Variants in GOLPH3 observed in about 807,000 individuals in gnomAD.
The protein encoded by GOLPH3 is coat protein GPP34.
Under a neutral mutation model 28.5 loss-of-function variants are expected in GOLPH3, and 14 were observed. The ratio of observed to expected loss-of-function variants is 0.49; its 90% CI spans 0.32 to 0.77. The LOEUF (loss-of-function observed/expected upper bound fraction) is 0.77. Ranked by LOEUF, GOLPH3 falls within the 30% of genes least tolerant of loss-of-function variation. GOLPH3 has a pLI of 0.03. For synonymous variants in GOLPH3, 158 were observed against 159.2 expected, an observed-to-expected ratio of 0.99 and a Z score of 0.06; for missense variants, 350 against 393.7, an observed-to-expected ratio of 0.89 and a Z score of 0.94.
intron 1 of GOLPH3, among the ~76,000 whole-genome samples, chr5:32,172,623 A>T (rs2111904727): frequency 6.6e-6 from 1 of 152,244 alleles, no homozygotes; most frequent in East Asian, 1.9e-4. Flanking sequence ...TGAACCCGGG[A>T]GGCGGAGTTT....
chr5:32,126,724 T>C, intron 3 of GOLPH3, 88 bp from the exon 4 acceptor site: 1 of 1,021,902 alleles, frequency 9.8e-7, no homozygotes, highest in Non-Finnish European at 1.4e-6. Flanking sequence ...TAAAATCTGA[T>C]TTTGCCCCAA....
At chr5:32,140,520 G>A (rs1360694366) in intron 2 of GOLPH3, among the ~76,000 whole-genome samples, 1 of 151,840 alleles carries the variant, frequency 6.6e-6, no homozygotes, top group Admixed American at 6.6e-5. Context: ...TTAGCCGGGT[G>A]TGGTGGTGCA....
chr5:32,163,606 T>A (rs887293366), intron 1 of GOLPH3, among the ~76,000 whole-genome samples: 2 of 152,106 alleles, frequency 1.3e-5, no homozygotes, highest in Non-Finnish European at 2.9e-5. Context: ...TGAGCCAAGA[T>A]CATGCCACTG....
chr5:32,149,779 C>G (rs1746265363), intron 1 of GOLPH3, among the ~76,000 whole-genome samples: 1 of 152,086 alleles, frequency 6.6e-6, no homozygotes, highest in African/African-American at 2.4e-5. Context: ...GGCAGATCAC[C>G]TGAGGTCACG....
rs150361954 is a variant in GOLPH3 at position 32,146,377 on chromosome 5, A to G, written c.226-2497T>C. On this transcript the variant is annotated intron_variant, in intron 1 of 3. Coordinates refer to ENST00000265070, the MANE Select transcript of GOLPH3 (RefSeq NM_022130.4). ...ATGACTGTAGTCATAATTAGTTCCT[A>G]TGTTCTAAAATATAAGGATGGGAGA... Among the ~76,000 whole-genome samples, 543 of 152,226 alleles carry G rather than the reference A, an allele frequency of 3.6e-3. 1 individual carries two copies. The highest frequency in any genetic ancestry group is 0.013 in the African/African-American group (523 of 41,528).
chr5:32,140,844 A>G (rs1488924300), intron 2 of GOLPH3, among the ~76,000 whole-genome samples: 1 of 151,408 alleles, frequency 6.6e-6, no homozygotes, highest in African/African-American at 2.4e-5. Context: ...GAAGGGCACC[A>G]GACTTTACCG....
chr5:32,164,395 A>G lies in GOLPH3; in HGVS notation c.225+9415T>C, dbSNP rs139658457. On this transcript the variant is annotated intron_variant, in intron 1 of 3. Transcript: ENST00000265070. Reference sequence around the variant, plus strand: ...CCTTTTTATACATAAGAGGAGTAAGATTCTTTTTTTTTTTTTGAGACGGAG... The same window carrying G: ...CCTTTTTATACATAAGAGGAGTAAGGTTCTTTTTTTTTTTTTGAGACGGAG... Among the ~76,000 whole-genome samples the G allele has an allele frequency of 3.0e-3, 445 of 150,456 alleles. 2 individuals carry two copies. Among genetic ancestry groups the G allele is most frequent in the African/African-American group, 0.011 (436 of 40,942 alleles).
intron 2 of GOLPH3, among the ~76,000 whole-genome samples, chr5:32,141,728 AGTGCCTGCGATTGCAGGC>A (rs1489851054): frequency 6.6e-6 from 1 of 152,096 alleles, no homozygotes; most frequent in East Asian, 1.9e-4. Flanking sequence ...CAGCTAGCCG[AGTGCCTGCGATTGCAGGC>A]GCGCGCCGCC....
At chr5:32,158,026 AC>A (rs1746477754) in intron 1 of GOLPH3, among the ~76,000 whole-genome samples, 2 of 61,338 alleles carry the variant, frequency 3.3e-5, no homozygotes, top group South Asian at 1.1e-3. Context: ...AATAAAATAC[AC>A]ACACACACAC....
chr5:32,155,016 A>AAGGTTGCAGTGGACAG (rs1746387350), intron 1 of GOLPH3, among the ~76,000 whole-genome samples: 1 of 151,418 alleles, frequency 6.6e-6, no homozygotes, highest in Admixed American at 6.6e-5. Context: ...CCAAGAGACA[A>AAGGTTGCAGTGGACAG]AGGTTGCAGT....
At chr5:32,139,455 C>T (rs905252853) in intron 2 of GOLPH3, among the ~76,000 whole-genome samples, 3 of 152,242 alleles carry the variant, frequency 2.0e-5, no homozygotes, top group African/African-American at 4.8e-5. Flanking sequence ...CTGTTTTTCA[C>T]TTGGATTAAT....
At chr5:32,165,577 T>C (rs1259273174) in intron 1 of GOLPH3, among the ~76,000 whole-genome samples, 1 of 152,002 alleles carries the variant, frequency 6.6e-6, no homozygotes, top group African/African-American at 2.4e-5. Context: ...AGCAAGACTC[T>C]GTCTCAGAAG....
chr5:32,138,060 C>T (rs1380025468), intron 2 of GOLPH3, among the ~76,000 whole-genome samples: 1 of 152,016 alleles, frequency 6.6e-6, no homozygotes, highest in Admixed American at 6.6e-5. Context: ...CACACCACCG[C>T]ATCCGGGTAA....
intron 1 of GOLPH3, among the ~76,000 whole-genome samples, chr5:32,153,812 G>GAA (rs1042450477): frequency 6.6e-6 from 1 of 152,026 alleles, no homozygotes; most frequent in African/African-American, 2.4e-5. Flanking sequence ...CTCTGTATAC[G>GAA]AAAGAGTCCT....
chr5:32,161,107 A>G (rs1038824677), intron 1 of GOLPH3, among the ~76,000 whole-genome samples: 3 of 149,896 alleles, frequency 2.0e-5, no homozygotes, highest in African/African-American at 5.0e-5. Flanking sequence ...GGTGGCATCA[A>G]AAAGATAAGG....
rs71629068 is a variant in GOLPH3 at position 32,141,694 on chromosome 5, C to T, written c.357+2055G>A. Among the ~76,000 whole-genome samples, 875 of 152,334 alleles carry T rather than the reference C, an allele frequency of 5.7e-3. 2 individuals carry two copies. Among genetic ancestry groups the T allele is most frequent in the Middle Eastern group, 0.014 (4 of 294 alleles). On this transcript the variant is annotated intron_variant, in intron 2 of 3. Coordinates refer to ENST00000265070, the MANE Select transcript of GOLPH3 (RefSeq NM_022130.4). ...CTGCTGCCATCTCGGCTCACTGCAACCTCCCTGCCTGATTCTCCTGCCTCA... is the reference window on the plus strand; with the variant it reads ...CTGCTGCCATCTCGGCTCACTGCAATCTCCCTGCCTGATTCTCCTGCCTCA...
intron 1 of GOLPH3, among the ~76,000 whole-genome samples, chr5:32,167,080 A>G (rs1376311080): frequency 1.3e-5 from 2 of 152,226 alleles, no homozygotes; most frequent in Non-Finnish European, 2.9e-5. Context: ...TACATGTAAG[A>G]TGATATTATA....
At chr5:32,126,693 A>C in intron 3 of GOLPH3, 57 bp from the exon 4 acceptor site, 2 of 1,405,528 alleles carry the variant, frequency 1.4e-6, no homozygotes, top group Non-Finnish European at 1.9e-6. Flanking sequence ...AATTTTGCAA[A>C]AATTTTGTAC....
intron 1 of GOLPH3, among the ~76,000 whole-genome samples, chr5:32,150,041 GAAAAACTCAT>G: frequency 6.6e-6 from 1 of 151,458 alleles, no homozygotes; most frequent in South Asian, 2.1e-4. Flanking sequence ...TGGATATTTA[GAAAAACTCAT>G]AAGAGTAAAT....
Sources: gnomAD v4.1 joint callset for allele counts (sites outside exome capture counted in the v4.1 genomes callset) on GRCh38, gnomAD v4.1.1 for gene constraint, MANE v1.5 for transcripts, NCBI Gene and HGNC (gene_info 2026-07-23, HGNC 2026-07-21) for gene names.